Variants in UBE4A observed in about 807,000 individuals in gnomAD.
The protein encoded by UBE4A is ubiquitin conjugation factor E4 A.
UBE4A carries 48 observed loss-of-function variants against 117.9 expected under a neutral mutation model. The ratio of observed to expected loss-of-function variants is 0.41; its 90% CI spans 0.32 to 0.52. The LOEUF (loss-of-function observed/expected upper bound fraction) is 0.52, where lower values mean the gene tolerates loss of function less well. Among genes scored for constraint, UBE4A ranks in the 20% least tolerant of loss-of-function variants. The pLI, the probability that UBE4A is intolerant of heterozygous loss-of-function variation, is 0.33. For missense variants in UBE4A, 1,067 were observed against 1,296.3 expected (o/e 0.82, Z 2.72); for synonymous variants, 407 against 450.0 (o/e 0.90, Z 1.21).
In UBE4A at chr11:118,384,929, T is replaced by C. The variant is rs1555126937; in HGVS notation, c.2396T>C (p.Leu799Ser). ...CTAATGAATGATGCCATCTTCCTTTTGGATGAAGCCATACAGGTAAAAAAA... is the reference window on the plus strand; with the variant it reads ...CTAATGAATGATGCCATCTTCCTTTCGGATGAAGCCATACAGGTAAAAAAA... ...NLLMNDAIFLLDEAIQYLSKI... is the reference protein window; with the variant it reads ...NLLMNDAIFLSDEAIQYLSKI... Residue 799 changes from leucine (L) to serine (S), a missense_variant, in exon 15 of 20, where the codon TTG (leucine) becomes TCG (serine). By Grantham distance (145) the Leu-to-Ser change is moderately radical. Transcript: ENST00000252108. The C allele has an allele frequency of 6.2e-7, 1 of 1,609,214 alleles. No homozygotes were observed. Among genetic ancestry groups the C allele is most frequent in the Non-Finnish European group, 8.5e-7 (1 of 1,177,474 alleles).
intron 12 of UBE4A, 112 bp downstream of exon 12, chr11:118,381,635 A>G: frequency 7.1e-7 from 1 of 1,412,834 alleles, no homozygotes; most frequent in South Asian, 1.4e-5. Flanking sequence ...TTCAGAAGTT[A>G]TGGTAACATT....
intron 5 of UBE4A, among the ~76,000 whole-genome samples, chr11:118,372,025 C>A (rs965169101): frequency 2.0e-5 from 3 of 152,110 alleles, no homozygotes; most frequent in Non-Finnish European, 4.4e-5. Context: ...TTTGGGAGGC[C>A]GATGCAGGCG....
intron 4 of UBE4A, 111 bp downstream of exon 4, chr11:118,369,646 CTTTT>C (rs758717041): frequency 1.0e-2 from 4,848 of 486,862 alleles, no homozygotes; most frequent in East Asian, 0.012. Context: ...ATCCCTCTCT[CTTTT>C]TTTTTTTTTT....
In UBE4A at chr11:118,384,730, A is replaced by G. The variant is rs782122154; in HGVS notation, c.2293A>G (p.Ile765Val). ...MWGTDTYRES[I>V]KDLADYASKN... ...GGGGACAGATACCTATCGGGAGAGC[A>G]TTAAGGTGAGAGAGTTTTTGATGAA... The change falls in exon 14 of 20, where the codon ATT becomes GTT. Residue 765 changes from isoleucine to valine, a missense_variant. Ile to Val is a conservative substitution (Grantham distance 29, BLOSUM62 3). This residue lies in a region of UBE4A where 1,001 missense variants were observed against 1,184.0 expected (regional missense o/e 0.85). Coordinates refer to ENST00000252108, the MANE Select transcript of UBE4A (RefSeq NM_001204077.2). 7 of 1,613,920 alleles carry G rather than the reference A, an allele frequency of 4.3e-6. No homozygotes were observed. The highest frequency in any genetic ancestry group is 1.7e-5 in the Admixed American group (1 of 59,986).
chr11:118,365,256 A>C (rs913467432), intron 2 of UBE4A, 55 bp downstream of exon 2: 1 of 1,458,106 alleles, frequency 6.9e-7, no homozygotes, highest in African/African-American at 1.4e-5. Flanking sequence ...GGGTCTTCCC[A>C]AATTAAGTAT....
chr11:118,364,076 A>G (rs1280394258), intron 1 of UBE4A, among the ~76,000 whole-genome samples: 5 of 152,100 alleles, frequency 3.3e-5, no homozygotes, highest in Non-Finnish European at 7.4e-5. Context: ...CAAAACATTC[A>G]TACCCTTTGT....
Position 118,365,047 on chromosome 11 carries a change from C to T in UBE4A, c.-34C>T. On this transcript the variant is annotated 5_prime_UTR_variant, in exon 2 of 20. Coordinates refer to ENST00000252108, the MANE Select transcript of UBE4A (RefSeq NM_001204077.2). ...TACCTGTCCTTTGAACAGCCTCTCCCACTAGGTCTGGATGGAGGATACCTT... is the reference window on the plus strand; with the variant it reads ...TACCTGTCCTTTGAACAGCCTCTCCTACTAGGTCTGGATGGAGGATACCTT... 6.2e-7 allele frequency: 1 copy of T among 1,607,856 alleles called. No individual in the cohort carries two copies. Among genetic ancestry groups the T allele is most frequent in the Non-Finnish European group, 8.5e-7 (1 of 1,177,062 alleles).
chr11:118,376,190 A>G (rs1270465487), intron 9 of UBE4A, among the ~76,000 whole-genome samples: 1 of 152,216 alleles, frequency 6.6e-6, no homozygotes, highest in Non-Finnish European at 1.5e-5. Flanking sequence ...TAAATGACTC[A>G]CAGTCCTACC....
At chr11:118,370,622 T>TA (rs142959441) in intron 4 of UBE4A, among the ~76,000 whole-genome samples, 2,473 of 138,716 alleles carry the variant, frequency 0.018, 62 homozygotes, top group African/African-American at 0.058. Context: ...AAGACCCATC[T>TA]AAAAAAAAAA....
rs1308445774 is a variant in UBE4A at position 118,365,122 on chromosome 11, C to T, written c.42C>T (p.Pro14=). 5 of 1,614,050 alleles carry T rather than the reference C, an allele frequency of 3.1e-6. No individual in the cohort carries two copies. Among genetic ancestry groups the T allele is most frequent in the Admixed American group, 3.3e-5 (2 of 59,998 alleles). Residue 14 remains proline, a synonymous_variant, in exon 2 of 20, where the codon CCC becomes CCT. Transcript: ENST00000252108. ...ATAACAACAACATCTCAAGTAACCC[C>T]TTTGCTGCTCTTTTTGGCTCCCTGG... ...QENNNNISSN[P]FAALFGSLAD...
intron 18 of UBE4A, 41 bp from the exon 19 acceptor site, chr11:118,392,697 C>T (rs782227674): frequency 5.8e-5 from 92 of 1,587,078 alleles, no homozygotes; most frequent in Admixed American, 8.6e-5. Context: ...AATTCAGCTA[C>T]ACTGTGAATT....
In UBE4A at chr11:118,373,304, G is replaced by T. The variant is rs375463777; in HGVS notation, c.924+16G>T. ...TATGGCAAAGGTAGGTCTGAAAGAT[G>T]ATATGTATTCAGTTGAGCTAGATGT... On this transcript the variant is annotated intron_variant, in intron 7 of 19. Transcript: ENST00000252108. 5 of 1,610,372 alleles carry T rather than the reference G, an allele frequency of 3.1e-6. No individual in the cohort carries two copies. In the African/African-American group the frequency reaches 5.3e-5, roughly 17 times the overall value.
chr11:118,376,500 G>C, intron 9 of UBE4A, 74 bp from the exon 10 acceptor site: 2 of 1,554,336 alleles, frequency 1.3e-6, no homozygotes, highest in Non-Finnish European at 1.7e-6. Flanking sequence ...CTAACAGTAT[G>C]GAAATTGAAT....
In UBE4A at chr11:118,369,418, C is replaced by T. The variant is rs369784181; in HGVS notation, c.296-5C>T. On this transcript the variant is annotated splice_polypyrimidine_tract_variant and splice_region_variant and intron_variant, in intron 3 of 19. Coordinates refer to ENST00000252108, the MANE Select transcript of UBE4A (RefSeq NM_001204077.2). ...TTAACCTATCATATTAAAACCATTT[C>T]CCAGGTGATCCCAGCTTGAAAAGCG... The T allele has an allele frequency of 4.6e-4, 740 of 1,610,310 alleles. 4 individuals are homozygous for T. Among genetic ancestry groups the T allele is most frequent in the Middle Eastern group, 3.8e-3 (23 of 6,052 alleles).
intron 2 of UBE4A, 49 bp from the exon 3 acceptor site, chr11:118,368,582 G>T: frequency 1.3e-6 from 2 of 1,570,080 alleles, no homozygotes; most frequent in Non-Finnish European, 1.7e-6. Context: ...AGCATGCTTG[G>T]TTCTCTCTTA....
Position 118,365,188 on chromosome 11 carries a change from G to A in UBE4A, c.108G>A (p.Leu36=). 6.2e-7 allele frequency: 1 copy of A among 1,609,692 alleles called. No individual in the cohort carries two copies. Among genetic ancestry groups the A allele is most frequent in the Non-Finnish European group, 8.5e-7 (1 of 1,178,150 alleles). The stretch of plus-strand genomic sequence containing the variant: ...TTGCGGCAATCCAAAAAGAGCAGCT[G>A]AAGCAACAATCTGGTAAGTGGAGGA... The part of the protein sequence containing the change: ...KQFAAIQKEQ[L]KQQSDELPAS... Residue 36 remains leucine (L), a synonymous_variant, in exon 2 of 20, where the codon CTG becomes CTA. Coordinates refer to ENST00000252108, the MANE Select transcript of UBE4A (RefSeq NM_001204077.2).
At chr11:118,368,593 A>G (rs760562208) in intron 2 of UBE4A, 38 bp from the exon 3 acceptor site, 1 of 1,604,946 alleles carries the variant, frequency 6.2e-7, no homozygotes, top group Non-Finnish European at 8.5e-7. Flanking sequence ...TTCTCTCTTA[A>G]AGGGGTGTAA....
Position 118,379,626 on chromosome 11 carries a change from C to T in UBE4A, c.1752C>T (p.Cys584=), listed in dbSNP as rs376101113. ...AMTEPQMLQN[C]LNLQVSMAVL... is the part of the protein sequence containing the mutation. ...CAGAGCCACAAATGCTACAAAACTGCCTAAACTTGCAGGTGTCCATGGCTG... is the reference window on the plus strand; with the variant it reads ...CAGAGCCACAAATGCTACAAAACTGTCTAAACTTGCAGGTGTCCATGGCTG... The change falls in exon 11 of 20, where the codon TGC becomes TGT. Residue 584 remains cysteine (C), a synonymous_variant. Coordinates refer to ENST00000252108, the MANE Select transcript of UBE4A (RefSeq NM_001204077.2). 12 of 1,614,110 alleles carry T rather than the reference C, an allele frequency of 7.4e-6. No homozygotes were observed. Among genetic ancestry groups the T allele is most frequent in the African/African-American group, 4.0e-5 (3 of 74,936 alleles).
chr11:118,396,235 C>T (rs1345094396), intron 19 of UBE4A, 79 bp from the exon 20 acceptor site: 24 of 1,521,988 alleles, frequency 1.6e-5, no homozygotes, highest in Admixed American at 4.6e-5. Context: ...TAAGATGCGA[C>T]GCCCAGGTGT....
Sources: gnomAD v4.1 joint callset for allele counts (sites outside exome capture counted in the v4.1 genomes callset) on GRCh38, gnomAD v4.1.1 for gene constraint, gnomAD v4.1.1 regional missense constraint, MANE v1.5 for transcripts, NCBI Gene and HGNC (gene_info 2026-07-23, HGNC 2026-07-21) for gene names.